CSMD1: variants seen among roughly 807,000 people sequenced by gnomAD.
CSMD1 encodes CUB and Sushi multiple domains 1.
CSMD1 carries 213 observed loss-of-function variants against 417.5 expected under a neutral mutation model. The ratio of observed to expected loss-of-function variants is 0.51; its 90% CI spans 0.46 to 0.57. The LOEUF is 0.57. CSMD1 is among the 20% of genes least tolerant of loss of function. CSMD1 has a pLI of 0.00. For missense variants in CSMD1, 6,923 were observed against 4,529.7 expected (o/e 1.53, Z -15.17); for synonymous variants, 2,862 against 1,736.8 (o/e 1.65, Z -16.11).
chr8:3,111,873 C>T (rs1816541997), intron 42 of CSMD1, among the ~76,000 whole-genome samples: 1 of 152,056 alleles, frequency 6.6e-6, no homozygotes, highest in Admixed American at 6.6e-5. Context: ...ATGCTGTCCC[C>T]ATAACAAGCT....
chr8:4,724,767 G>C (rs192130587), intron 1 of CSMD1, among the ~76,000 whole-genome samples: 8 of 152,130 alleles, frequency 5.3e-5, no homozygotes, highest in East Asian at 1.9e-4. Flanking sequence ...TTTTTTAAAA[G>C]TTAAGATATA....
At chr8:4,190,659 C>A (rs1275320605) in intron 3 of CSMD1, among the ~76,000 whole-genome samples, 2 of 151,626 alleles carry the variant, frequency 1.3e-5, no homozygotes, top group African/African-American at 2.4e-5. Context: ...AGACTGAAAT[C>A]TTTGACTATA....
chr8:4,964,560 G>C (rs1212534172), intron 1 of CSMD1, among the ~76,000 whole-genome samples: 1 of 140,800 alleles, frequency 7.1e-6, no homozygotes, highest in Non-Finnish European at 1.5e-5. Flanking sequence ...AGGATGACTA[G>C]CAGGAGCACA....
chr8:4,589,465 G>A (rs935011961), intron 2 of CSMD1, among the ~76,000 whole-genome samples: 1 of 152,156 alleles, frequency 6.6e-6, no homozygotes, highest in Admixed American at 6.5e-5. Flanking sequence ...AGTTAAGTAA[G>A]ACAAACTCTC....
chr8:4,321,810 A>G (rs1321697232), intron 3 of CSMD1, among the ~76,000 whole-genome samples: 11 of 152,172 alleles, frequency 7.2e-5, no homozygotes, highest in South Asian at 4.1e-4. Context: ...AAAGTACTAA[A>G]TATCTTTTTT....
At chr8:4,071,528 G>T (rs1041219672) in intron 3 of CSMD1, among the ~76,000 whole-genome samples, 2 of 151,326 alleles carry the variant, frequency 1.3e-5, no homozygotes, top group Admixed American at 6.6e-5. Flanking sequence ...AAGCATAATT[G>T]TAATAACAGC....
At chr8:3,046,572 G>A (rs1365314738) in intron 50 of CSMD1, among the ~76,000 whole-genome samples, 1 of 152,138 alleles carries the variant, frequency 6.6e-6, no homozygotes, top group East Asian at 1.9e-4. Context: ...TGTACAGGCT[G>A]CTGGAATGGA....
chr8:2,967,826 G>A (rs1804104285), intron 57 of CSMD1, among the ~76,000 whole-genome samples: 1 of 151,732 alleles, frequency 6.6e-6, no homozygotes, highest in South Asian at 2.1e-4. Flanking sequence ...AGAAGTCACT[G>A]TACTGGGAGT....
At chr8:3,427,287 A>G (rs375261572) in intron 12 of CSMD1, among the ~76,000 whole-genome samples, 163 of 152,332 alleles carry the variant, frequency 1.1e-3, no homozygotes, top group African/African-American at 3.8e-3. Flanking sequence ...AAACCACAAA[A>G]TGACACAAAT....
Position 4,086,366 on chromosome 8 carries a change from T to A in CSMD1, c.416-54267A>T, listed in dbSNP as rs535582656. Among the ~76,000 whole-genome samples, 7 of 152,178 alleles carry A rather than the reference T, an allele frequency of 4.6e-5. No individual in the cohort carries two copies. In the South Asian group the frequency reaches 1.0e-3, roughly 23 times the overall value. ...ATTCTTTAATACTGAAACTTGAAAT[T>A]TGAAAGCAAAACAAAATTCAGTACA... On this transcript the variant is annotated intron_variant, in intron 3 of 69. Coordinates refer to ENST00000635120, the MANE Select transcript of CSMD1 (RefSeq NM_033225.6).
intron 31 of CSMD1, among the ~76,000 whole-genome samples, chr8:3,202,944 G>T (rs10091102): frequency 3.6e-4 from 54 of 152,050 alleles, no homozygotes; most frequent in African/African-American, 1.2e-3. Context: ...AATTAGAGAG[G>T]GAGAGGACTT....
chr8:3,133,793 C>G (rs1817924517), intron 41 of CSMD1, among the ~76,000 whole-genome samples: 1 of 152,208 alleles, frequency 6.6e-6, no homozygotes, highest in African/African-American at 2.4e-5. Flanking sequence ...CACTCACTGC[C>G]AGGCTGCGCT....
At chr8:3,790,949 A>C (rs1799703658) in intron 5 of CSMD1, among the ~76,000 whole-genome samples, 3 of 152,214 alleles carry the variant, frequency 2.0e-5, no homozygotes, top group Admixed American at 2.0e-4. Context: ...TGTCATTTTA[A>C]CTCACAGGAA....
At position 3,756,706 on chromosome 8, in the gene CSMD1, G is replaced by A. The variant is rs571308581; in HGVS notation, c.819-2664C>T. On this transcript the variant is annotated intron_variant, in intron 5 of 69. Coordinates refer to ENST00000635120, the MANE Select transcript of CSMD1 (RefSeq NM_033225.6). ...TGTACTTGCTAAACTTTTCACAACC[G>A]CAATCAATGCTTGTTTTGTTGCTGC... is the stretch of plus-strand genomic sequence containing the variant. 1.5e-4 allele frequency among the ~76,000 whole-genome samples: 23 copies of A among 152,206 alleles called. No homozygotes were observed. The South Asian group carries it at 1.7e-3, about 11-fold the overall frequency.
At chr8:4,514,907 G>C (rs984995955) in intron 2 of CSMD1, among the ~76,000 whole-genome samples, 1 of 152,162 alleles carries the variant, frequency 6.6e-6, no homozygotes, top group Admixed American at 6.5e-5. Flanking sequence ...CTCGAGAACA[G>C]AGTAAGCAAT....
intron 7 of CSMD1, among the ~76,000 whole-genome samples, chr8:3,644,934 T>C (rs890927254): frequency 1.4e-5 from 2 of 138,514 alleles, no homozygotes; most frequent in African/African-American, 5.9e-5. Context: ...TCCCTGGAAA[T>C]TCCAGGGTTA....
At chr8:3,247,388 C>T (rs938526189) in intron 26 of CSMD1, among the ~76,000 whole-genome samples, 6 of 152,142 alleles carry the variant, frequency 3.9e-5, no homozygotes, top group Non-Finnish European at 2.9e-5. Flanking sequence ...GAACCCATGA[C>T]ATTGTGACCC....
chr8:3,542,092 T>C (rs553496304), intron 10 of CSMD1, among the ~76,000 whole-genome samples: 8 of 152,332 alleles, frequency 5.3e-5, no homozygotes, highest in Non-Finnish European at 1.0e-4. Context: ...CTGTGCTCTA[T>C]AGTCTTTAAA....
intron 37 of CSMD1, among the ~76,000 whole-genome samples, chr8:3,176,697 G>C (rs552580430): frequency 3.9e-5 from 6 of 152,110 alleles, no homozygotes; most frequent in African/African-American, 1.4e-4. Context: ...TAAAATGATA[G>C]CTTTTCTTGA....
Sources: allele counts gnomAD v4.1 joint callset (sites outside exome capture counted in the v4.1 genomes callset), GRCh38; gene constraint gnomAD v4.1.1; transcripts MANE v1.5; gene names NCBI Gene and HGNC (gene_info 2026-07-23, HGNC 2026-07-21).